WDR4: variants seen among roughly 807,000 people sequenced by gnomAD.
WDR4 encodes the protein WDR4 tRNA N7-guanosine methyltransferase non-catalytic subunit, also known as tRNA (guanine-N(7)-)-methyltransferase non-catalytic subunit WDR4.
In WDR4, 47 loss-of-function variants were observed where a neutral mutation model predicts 48.6. The observed-to-expected ratio is 0.97, with a 90% CI of 0.77 to 1.23. The LOEUF is 1.23. Among genes scored for constraint, WDR4 ranks in the 50% most tolerant of loss-of-function variants. The pLI is 0.00. For missense variants in WDR4, 606 were observed against 551.6 expected (o/e 1.10, Z -0.99); for synonymous variants, 268 against 230.0 (o/e 1.17, Z -1.49).
At chr21:42,887,831 C>A in the WDR4 span, among the ~76,000 whole-genome samples, 1 of 151,724 alleles carries the variant, frequency 6.6e-6, no homozygotes, top group Non-Finnish European at 1.5e-5. Context: ...GGCAGGAGAA[C>A]TGCTTGAGCC....
chr21:42,849,869 G>T lies in WDR4; in HGVS notation c.*180C>A. ...ACCAGAAAGGGGGCACAGGCACCCA[G>T]CAAGAGCCTGTGCTGGTGACACAGA... On this transcript the variant is annotated 3_prime_UTR_variant, in exon 11 of 11. Coordinates refer to ENST00000398208, the MANE Select transcript of WDR4 (RefSeq NM_018669.6). 1.4e-6 allele frequency: 1 copy of T among 722,960 alleles called. No individual in the cohort carries two copies. Among genetic ancestry groups the T allele is most frequent in the Non-Finnish European group, 2.2e-6 (1 of 459,602 alleles). The allele number at this position is 722,960 out of a possible 1,614,324, so 44.8% of individuals were successfully genotyped here.
At position 42,854,450 on chromosome 21, in the gene WDR4, C is replaced by T. The variant is rs1014729955; in HGVS notation, c.791+112G>A. ...TCAGAGGGAGGTGCTAGACCAATAC[C>T]ACCACCGTTCAGGACCTCTTCATTG... On this transcript the variant is annotated intron_variant, in intron 8 of 10. Coordinates refer to ENST00000398208, the MANE Select transcript of WDR4 (RefSeq NM_018669.6). The T allele has an allele frequency of 6.9e-4, 743 of 1,076,828 alleles. 2 individuals carry two copies. Among genetic ancestry groups the T allele is most frequent in the Admixed American group, 7.6e-4 (27 of 35,586 alleles). 66.7% of individuals were successfully genotyped at this position (1,076,828 alleles called of 1,614,324 possible).
At chr21:42,853,441 C>A in intron 9 of WDR4, 128 bp downstream of exon 9, 1 of 1,122,048 alleles carries the variant, frequency 8.9e-7, no homozygotes, top group Non-Finnish European at 1.2e-6. Context: ...GGACACAGAC[C>A]CTGGGCCCCA....
intron 6 of WDR4, among the ~76,000 whole-genome samples, chr21:42,857,654 C>T (rs534217264): frequency 3.3e-5 from 5 of 152,160 alleles, no homozygotes; most frequent in South Asian, 2.1e-4. Context: ...AAGAACGTGC[C>T]GAGGGCAAGA....
chr21:42,884,646 CA>C, the WDR4 span, among the ~76,000 whole-genome samples: 119 of 141,168 alleles, frequency 8.4e-4, no homozygotes, highest in Middle Eastern at 3.6e-3. Flanking sequence ...GACTCCACCT[CA>C]AAAAAAAAAA....
At chr21:42,878,254 G>A (rs374348749) in intron 1 of WDR4, among the ~76,000 whole-genome samples, 28 of 152,080 alleles carry the variant, frequency 1.8e-4, no homozygotes, top group African/African-American at 6.5e-4. Flanking sequence ...CTCACCCCCT[G>A]GCACGTATCT....
downstream of WDR4, among the ~76,000 whole-genome samples, chr21:42,845,732 G>T (rs1206579639): frequency 6.6e-6 from 1 of 152,252 alleles, no homozygotes; most frequent in Non-Finnish European, 1.5e-5. Flanking sequence ...TGGGGTCGGG[G>T]TCTGGGATGA....
At chr21:42,854,697 A>G (rs62215010) in intron 7 of WDR4, 71 bp from the exon 8 acceptor site, 49,112 of 1,484,406 alleles carry the variant, frequency 0.033, 970 homozygotes, top group Middle Eastern at 0.045. Context: ...CTGATCCAAC[A>G]AGAGCAAGAC....
intron 2 of WDR4, 85 bp downstream of exon 2, chr21:42,876,617 G>C: frequency 7.7e-7 from 1 of 1,298,186 alleles, no homozygotes; most frequent in Non-Finnish European, 1.1e-6. Context: ...AATTCAGCAA[G>C]TAGGACAACA....
chr21:42,848,112 C>A (rs1293582695), downstream of WDR4, among the ~76,000 whole-genome samples: 1 of 152,214 alleles, frequency 6.6e-6, no homozygotes, highest in East Asian at 1.9e-4. Context: ...TTGAAGCATT[C>A]CAGCTTTTGA....
chr21:42,890,864 A>C, the WDR4 span, among the ~76,000 whole-genome samples: 4 of 152,146 alleles, frequency 2.6e-5, no homozygotes, highest in Non-Finnish European at 4.4e-5. Context: ...TGCTTCTTGC[A>C]CTTGGCCCTG....
rs574970531 is a variant in WDR4, at chr21:42,862,181, C to T, written c.566+101G>A. The T allele has an allele frequency of 6.9e-5, 75 of 1,082,494 alleles. 2 individuals carry two copies. In the Admixed American group the frequency reaches 1.3e-3, roughly 19 times the overall value. 67.1% of individuals were successfully genotyped at this position (1,082,494 alleles called of 1,614,324 possible). On this transcript the variant is annotated intron_variant, in intron 5 of 10. Coordinates refer to ENST00000398208, the MANE Select transcript of WDR4 (RefSeq NM_018669.6). The surrounding 1 kb of genome is among the most constrained non-coding windows in gnomAD (Gnocchi z 4.3). ...CAAGCACGGGGGCTGCTGTCACCCG[C>T]GTGGGGCCTCGCCAGCTACAACGGC...
rs2058446587 is a variant in WDR4, at chr21:42,874,578, CCCTGAGAAAGAGAATGCGCCCCT to C, written c.156-910_156-888del. Among the ~76,000 whole-genome samples the C allele has an allele frequency of 2.0e-5, 3 of 152,104 alleles. No homozygotes were observed. In the South Asian group the frequency reaches 6.2e-4, roughly 32 times the overall value. ...AATTCTTTTTCTCAGCAAGGAACATCCCTGAGAAAGAGAATGCGCCCCTGAGGGTGGGCCTCTGAAATGGCCCC... is the reference window on the plus strand; with the variant it reads ...AATTCTTTTTCTCAGCAAGGAACATCGAGGGTGGGCCTCTGAAATGGCCCC... On this transcript the variant is annotated intron_variant, in intron 2 of 10. Coordinates refer to ENST00000398208, the MANE Select transcript of WDR4 (RefSeq NM_018669.6).
chr21:42,873,736 T>C (rs1175929612), intron 2 of WDR4, 45 bp from the exon 3 acceptor site: 1 of 1,593,922 alleles, frequency 6.3e-7, no homozygotes, highest in Non-Finnish European at 8.6e-7. Flanking sequence ...CCTAAGGAAA[T>C]AAGGCTGCAT....
intron 10 of WDR4, among the ~76,000 whole-genome samples, chr21:42,851,836 A>AC (rs2057837997): frequency 6.6e-6 from 1 of 151,886 alleles, no homozygotes; most frequent in South Asian, 2.1e-4. Flanking sequence ...CTCTGGCTAG[A>AC]CCCCCACTAA....
intron 3 of WDR4, among the ~76,000 whole-genome samples, chr21:42,866,706 C>T (rs917916809): frequency 6.6e-6 from 1 of 152,084 alleles, no homozygotes; most frequent in African/African-American, 2.4e-5. Flanking sequence ...CCCTGCCCCA[C>T]TCGCATCCCC....
chr21:42,855,612 T>C, intron 7 of WDR4, 70 bp downstream of exon 7: 1 of 1,223,014 alleles, frequency 8.2e-7, no homozygotes, highest in African/African-American at 1.5e-5. Flanking sequence ...AAGTGACTTT[T>C]CCACTCAAGT....
intron 3 of WDR4, among the ~76,000 whole-genome samples, chr21:42,873,059 C>T (rs552208926): frequency 2.8e-4 from 43 of 152,316 alleles, no homozygotes; most frequent in Non-Finnish European, 5.3e-4. Context: ...CCCATCCCCA[C>T]GGATCCACTC....
At chr21:42,883,925 A>G (rs1317687175), upstream of WDR4, 2 of 152,380 alleles carry the variant, frequency 1.3e-5, no homozygotes, top group South Asian at 2.1e-4. Flanking sequence ...CACCCACAAA[A>G]TAAATCTTAA....
Sources: allele counts gnomAD v4.1 joint callset (sites outside exome capture counted in the v4.1 genomes callset), GRCh38; gene constraint gnomAD v4.1.1; non-coding constraint Gnocchi (gnomAD v3.1); transcripts MANE v1.5; gene names NCBI Gene and HGNC (gene_info 2026-07-23, HGNC 2026-07-21).